DOK7: variants seen among roughly 807,000 people sequenced by gnomAD.
The protein encoded by DOK7 is docking protein 7.
Under a neutral mutation model 30.7 loss-of-function variants are expected in DOK7, and 32 were observed. The ratio of observed to expected loss-of-function variants is 1.04; its 90% CI spans 0.79 to 1.40. The LOEUF is 1.40. Among genes scored for constraint, DOK7 ranks in the 40% most tolerant of loss-of-function variants. The pLI is 0.00. For missense variants in DOK7, 1,007 were observed against 699.2 expected, an observed-to-expected ratio of 1.44 and a Z score of -4.97; for synonymous variants, 447 against 324.1, an observed-to-expected ratio of 1.38 and a Z score of -4.07.
At chr4:3,471,918 G>A (rs975511972) in intron 2 of DOK7, among the ~76,000 whole-genome samples, 9 of 152,254 alleles carry the variant, frequency 5.9e-5, no homozygotes, top group Admixed American at 4.6e-4. Flanking sequence ...ACGCACTGTC[G>A]CCGCGCCCAC....
intron 2 of DOK7, among the ~76,000 whole-genome samples, chr4:3,468,252 G>C (rs1726438955): frequency 6.6e-6 from 1 of 151,856 alleles, no homozygotes; most frequent in Non-Finnish European, 1.5e-5. Context: ...GTGTGCAAGT[G>C]TGTGTCCGCG....
intron 4 of DOK7, among the ~76,000 whole-genome samples, chr4:3,481,107 G>T (rs563380807): frequency 6.6e-6 from 1 of 152,072 alleles, no homozygotes; most frequent in Non-Finnish European, 1.5e-5. Flanking sequence ...GATAGGAGGC[G>T]TGAGGGTGGA....
chr4:3,483,839 G>A (rs1727586317), intron 4 of DOK7, among the ~76,000 whole-genome samples: 1 of 152,214 alleles, frequency 6.6e-6, no homozygotes, highest in Non-Finnish European at 1.5e-5. Context: ...CAGACAGCAT[G>A]ACGGCCTTCT....
chr4:3,484,680 T>A (rs1202442544), intron 4 of DOK7: 1 of 985,404 alleles, frequency 1.0e-6, no homozygotes, highest in Non-Finnish European at 1.2e-6. Flanking sequence ...GGGGCCCTCC[T>A]GCTGCTGTGG....
rs7692245 is a variant in DOK7, at chr4:3,463,839, G to C, written c.100+288G>C. Among the ~76,000 whole-genome samples, 35,633 of 152,038 alleles carry C rather than the reference G, an allele frequency of 0.23. 4,525 individuals are homozygous for C. Among genetic ancestry groups the C allele is most frequent in the East Asian group, 0.48 (2,445 of 5,132 alleles). On this transcript the variant is annotated intron_variant, in intron 2 of 6. Transcript: ENST00000340083. Reference sequence around the variant, plus strand: ...GAGCCCCCCAGCAGAGCAGCAAGGGGCCCCCCAGAAGCAAAGCCCCACATA... The same window carrying C: ...GAGCCCCCCAGCAGAGCAGCAAGGGCCCCCCCAGAAGCAAAGCCCCACATA...
chr4:3,492,985 G>A lies in DOK7; in HGVS notation c.999G>A (p.Gln333=), dbSNP rs745778977. Residue 333 remains glutamine, a synonymous_variant, in exon 7 of 7, where the codon CAG becomes CAA. Transcript: ENST00000340083. The part of the protein sequence containing the change: ...RPRQLQEVGR[Q]SSSDSGIATG... ...GGCAGCTGCAGGAGGTTGGCCGCCAGAGCTCCTCGGACAGCGGCATCGCCA... is the reference window on the plus strand; with the variant it reads ...GGCAGCTGCAGGAGGTTGGCCGCCAAAGCTCCTCGGACAGCGGCATCGCCA... 26 of 1,556,426 alleles carry A rather than the reference G, an allele frequency of 1.7e-5. No homozygotes were observed. Among genetic ancestry groups the A allele is most frequent in the African/African-American group, 1.1e-4 (8 of 73,966 alleles).
chr4:3,496,461 G>A (rs1039106606), downstream of DOK7, among the ~76,000 whole-genome samples: 86 of 152,248 alleles, frequency 5.6e-4, no homozygotes, highest in African/African-American at 2.0e-3. Flanking sequence ...ACCTTGCATG[G>A]GCGTGGTACT....
chr4:3,500,252 A>T, exon 7 of DOK7: 3 of 1,535,246 alleles, frequency 2.0e-6, no homozygotes, highest in Non-Finnish European at 2.6e-6. Flanking sequence ...CCCCCACAGG[A>T]TCCCCAGGAC....
chr4:3,495,959 G>T (rs1728887189), downstream of DOK7, among the ~76,000 whole-genome samples: 1 of 152,200 alleles, frequency 6.6e-6, no homozygotes, highest in Non-Finnish European at 1.5e-5. Flanking sequence ...CTTGAGTCTG[G>T]CCTGCACCAG....
In DOK7 at chr4:3,492,886, A is replaced by T; in HGVS notation, c.900A>T (p.Arg300Ser). The change falls in exon 7 of 7, where the codon AGA becomes AGT. Residue 300 changes from arginine (R) to serine (S), a missense_variant. Physicochemically the swap from Arg to Ser is moderately radical, Grantham distance 110 (BLOSUM62 -1). Coordinates refer to ENST00000340083, the MANE Select transcript of DOK7 (RefSeq NM_173660.5). ...CCAGCACGTCACAGGAGGGGCCTAGACCAGCAGCTGCCCAGGCCGCCGGGG... is the reference window on the plus strand; with the variant it reads ...CCAGCACGTCACAGGAGGGGCCTAGTCCAGCAGCTGCCCAGGCCGCCGGGG... ...SSASTSQEGP[R>S]PAAAQAAGEA... is the part of the protein sequence containing the mutation. The T allele has an allele frequency of 6.3e-7, 1 of 1,598,334 alleles. No homozygotes were observed. Among genetic ancestry groups the T allele is most frequent in the Non-Finnish European group, 8.5e-7 (1 of 1,174,432 alleles).
At chr4:3,469,175 GCGTC>G (rs974499897) in intron 2 of DOK7, among the ~76,000 whole-genome samples, 3 of 150,888 alleles carry the variant, frequency 2.0e-5, no homozygotes, top group Non-Finnish European at 4.4e-5. Flanking sequence ...GTGTGTGTGT[GCGTC>G]TGTGTGAGTG....
At chr4:3,468,798 C>A (rs62644695) in intron 2 of DOK7, among the ~76,000 whole-genome samples, 18,731 of 133,596 alleles carry the variant, frequency 0.14, 1,262 homozygotes, top group Middle Eastern at 0.24. Context: ...TCATGTATGT[C>A]TGTGTGTGCC....
At position 3,494,392 on chromosome 4, in the gene DOK7, C is replaced by T. The variant is rs1480285240; in HGVS notation, c.*891C>T. 1.0e-6 allele frequency: 1 copy of T among 985,884 alleles called. No homozygotes were observed. Among genetic ancestry groups the T allele is most frequent in the Non-Finnish European group, 1.2e-6 (1 of 830,244 alleles). 61.1% of individuals were successfully genotyped at this position (985,884 alleles called of 1,614,324 possible). ...TGCCCTGACCACAGCCCAGCAGCTC[C>T]CTGTGAACACCTCTTTGTCCCTTCA... On this transcript the variant is annotated 3_prime_UTR_variant, in exon 7 of 7. Coordinates refer to ENST00000340083, the MANE Select transcript of DOK7 (RefSeq NM_173660.5).
intron 6 of DOK7, among the ~76,000 whole-genome samples, 175 bp from the exon 7 acceptor site, chr4:3,492,584 A>G (rs1168330459): frequency 6.6e-6 from 1 of 151,814 alleles, no homozygotes; most frequent in East Asian, 1.9e-4. Flanking sequence ...GATGAGGGGT[A>G]GAGGGGTTGT....
At chr4:3,491,244 C>T (rs927695540) in intron 6 of DOK7, among the ~76,000 whole-genome samples, 4 of 115,946 alleles carry the variant, frequency 3.4e-5, no homozygotes, top group African/African-American at 6.7e-5. Context: ...TCTTTCATTC[C>T]TTCTCCCCTT....
chr4:3,479,190 C>T (rs1317033976), intron 4 of DOK7, among the ~76,000 whole-genome samples: 1 of 152,220 alleles, frequency 6.6e-6, no homozygotes, highest in East Asian at 1.9e-4. Context: ...CCCCGGCGGC[C>T]TCGGCTCGTG....
intron 2 of DOK7, among the ~76,000 whole-genome samples, chr4:3,469,182 TGTGA>T (rs1337419029): frequency 6.6e-6 from 1 of 151,676 alleles, no homozygotes; most frequent in African/African-American, 2.4e-5. Flanking sequence ...TGTGCGTCTG[TGTGA>T]GTGTGCATGT....
downstream of DOK7, chr4:3,496,833 C>T (rs760282991): frequency 2.0e-6 from 3 of 1,535,792 alleles, no homozygotes; most frequent in South Asian, 1.2e-5. Context: ...GCGGCAGCCT[C>T]AGCCCCAGGA....
downstream of DOK7, among the ~76,000 whole-genome samples, chr4:3,495,907 A>G (rs1315399399): frequency 6.6e-6 from 1 of 152,156 alleles, no homozygotes; most frequent in Non-Finnish European, 1.5e-5. Context: ...CAGTTTGCTC[A>G]GGGGGCCTCG....
Sources: allele counts gnomAD v4.1 joint callset (sites outside exome capture counted in the v4.1 genomes callset), GRCh38; gene constraint gnomAD v4.1.1; transcripts MANE v1.5; gene names NCBI Gene and HGNC (gene_info 2026-07-23, HGNC 2026-07-21).